CNTN4: variants seen among roughly 807,000 people sequenced by gnomAD.
CNTN4 encodes contactin 4.
A neutral mutation model predicts 122.5 loss-of-function variants in CNTN4; 77 were observed. The observed-to-expected ratio is 0.63, with a 90% confidence interval of 0.52 to 0.76. The LOEUF is 0.76. CNTN4 is among the 30% of genes least tolerant of loss of function. The probability of loss-of-function intolerance (pLI) is 0.00; values close to 1 mark genes in which losing one functional copy is unlikely to be tolerated. For synonymous variants in CNTN4, 512 were observed against 447.0 expected, an observed-to-expected ratio of 1.15 and a Z score of -1.83; for missense variants, 1,256 against 1,259.1, an observed-to-expected ratio of 1.00 and a Z score of 0.04.
At chr3:2,970,136 G>A (rs1031036862) in intron 13 of CNTN4, among the ~76,000 whole-genome samples, 34 of 151,704 alleles carry the variant, frequency 2.2e-4, no homozygotes, top group African/African-American at 8.2e-4. Flanking sequence ...CTGTCGCCCA[G>A]GCTGGAGTGC....
chr3:2,782,574 A>G (rs923390757), intron 6 of CNTN4, among the ~76,000 whole-genome samples: 2 of 151,344 alleles, frequency 1.3e-5, no homozygotes, highest in African/African-American at 4.9e-5. Context: ...TTAACAAAGA[A>G]TTAGCATAAG....
chr3:3,046,804 A>T (rs1181042024), intron 23 of CNTN4, among the ~76,000 whole-genome samples: 3 of 143,656 alleles, frequency 2.1e-5, no homozygotes, highest in Admixed American at 2.1e-4. Context: ...TAAATGGGCT[A>T]AATGCTCCAA....
chr3:2,477,003 G>A (rs1177602145), intron 3 of CNTN4, among the ~76,000 whole-genome samples: 1 of 152,136 alleles, frequency 6.6e-6, no homozygotes, highest in African/African-American at 2.4e-5. Context: ...GAATGACACA[G>A]CTGGAAGGGA....
At chr3:2,120,400 T>TAA (rs1559261067) in intron 2 of CNTN4, among the ~76,000 whole-genome samples, 24 of 32,920 alleles carry the variant, frequency 7.3e-4, no homozygotes, top group Admixed American at 1.6e-3. Context: ...TATATATATA[T>TAA]ATATATTTTT....
intron 13 of CNTN4, among the ~76,000 whole-genome samples, chr3:2,953,803 C>T (rs1269456304): frequency 1.3e-5 from 2 of 152,138 alleles, no homozygotes; most frequent in Non-Finnish European, 1.5e-5. Flanking sequence ...ATTTGGATGA[C>T]ACGTGTTCTC....
intron 3 of CNTN4, among the ~76,000 whole-genome samples, chr3:2,353,934 AC>A (rs1229224393): frequency 7.9e-5 from 12 of 151,796 alleles, no homozygotes; most frequent in Admixed American, 5.9e-4. Context: ...AACAAAAAAA[AC>A]ATAAAGGAGT....
intron 13 of CNTN4, among the ~76,000 whole-genome samples, chr3:2,935,887 A>G (rs2094563528): frequency 6.6e-6 from 1 of 152,202 alleles, no homozygotes; most frequent in Admixed American, 6.5e-5. Flanking sequence ...ACCAACCCAA[A>G]TCGTCTGATT....
chr3:2,568,679 C>T (rs11714113), intron 3 of CNTN4, among the ~76,000 whole-genome samples: 18,871 of 152,154 alleles, frequency 0.12, 1,523 homozygotes, highest in Non-Finnish European at 0.18. Flanking sequence ...TTCAGAAAAC[C>T]GGATGCTTTG....
intron 13 of CNTN4, among the ~76,000 whole-genome samples, chr3:2,946,749 G>T (rs1244027235): frequency 2.1e-5 from 3 of 146,194 alleles, no homozygotes. Flanking sequence ...TGTCACCCAG[G>T]CTGGAATGCA....
chr3:2,672,574 T>C lies in CNTN4; in HGVS notation c.56-63641T>C, dbSNP rs1010034530. Among the ~76,000 whole-genome samples, 8 of 152,266 alleles carry C rather than the reference T, an allele frequency of 5.3e-5. 1 individual carries two copies. Among genetic ancestry groups the C allele is most frequent in the East Asian group, 3.9e-4 (2 of 5,168 alleles). On this transcript the variant is annotated intron_variant, in intron 4 of 24. Transcript: ENST00000418658. ...CCCTTGCACTTCCCGGGTGAGGCAA[T>C]GCGTCGCCCTGCTTCGGCTCACACT...
intron 13 of CNTN4, among the ~76,000 whole-genome samples, chr3:2,967,363 A>G (rs73116637): frequency 4.0e-3 from 607 of 152,184 alleles, no homozygotes; most frequent in African/African-American, 0.014. Context: ...TATCCCCAAG[A>G]GCAGTTTGGG....
chr3:2,383,201 A>G (rs1029170647), intron 3 of CNTN4, among the ~76,000 whole-genome samples: 3 of 152,206 alleles, frequency 2.0e-5, no homozygotes, highest in East Asian at 1.9e-4. Context: ...ATATGAGCAT[A>G]TAACTTAACT....
chr3:2,876,841 C>T (rs1180037363), intron 8 of CNTN4, among the ~76,000 whole-genome samples: 1 of 152,176 alleles, frequency 6.6e-6, no homozygotes. Context: ...ATTGCTAGTA[C>T]TCTCCCAATG....
At chr3:2,976,223 C>T (rs890146560) in intron 13 of CNTN4, among the ~76,000 whole-genome samples, 1 of 152,168 alleles carries the variant, frequency 6.6e-6, no homozygotes, top group Non-Finnish European at 1.5e-5. Context: ...AATACTCATC[C>T]AGCCCCAGGC....
At chr3:2,337,784 T>G (rs1575407978) in intron 2 of CNTN4, among the ~76,000 whole-genome samples, 1 of 151,640 alleles carries the variant, frequency 6.6e-6, no homozygotes, top group Non-Finnish European at 1.5e-5. Context: ...TGACAAATTT[T>G]TAGTAATATT....
chr3:2,296,326 C>T (rs1162440099), intron 2 of CNTN4, among the ~76,000 whole-genome samples: 1 of 152,090 alleles, frequency 6.6e-6, no homozygotes, highest in Non-Finnish European at 1.5e-5. Flanking sequence ...AATGTTCTTC[C>T]ATTTGTTTGT....
chr3:2,512,771 A>G (rs1040174950), intron 3 of CNTN4, among the ~76,000 whole-genome samples: 1 of 152,200 alleles, frequency 6.6e-6, no homozygotes, highest in African/African-American at 2.4e-5. Context: ...TTCCACACTG[A>G]GCTTGAGACC....
intron 8 of CNTN4, among the ~76,000 whole-genome samples, chr3:2,869,231 A>G (rs1308006065): frequency 6.6e-6 from 1 of 152,198 alleles, no homozygotes; most frequent in African/African-American, 2.4e-5. Context: ...CTTAGCTGCT[A>G]TGTGGAAAAC....
intron 6 of CNTN4, among the ~76,000 whole-genome samples, chr3:2,772,041 G>T (rs575583168): frequency 5.1e-4 from 78 of 152,276 alleles, no homozygotes; most frequent in African/African-American, 1.9e-3. Context: ...AGAGTGGGAG[G>T]CTACAAGGGG....
Sources: allele counts gnomAD v4.1 joint callset (sites outside exome capture counted in the v4.1 genomes callset), GRCh38; gene constraint gnomAD v4.1.1; transcripts MANE v1.5; gene names NCBI Gene and HGNC (gene_info 2026-07-23, HGNC 2026-07-21).